Variants in ATXN1 observed in about 807,000 individuals in gnomAD.
The protein encoded by ATXN1 is ataxin 1.
Under a neutral mutation model 56.4 loss-of-function variants are expected in ATXN1, and 8 were observed. That is an observed-to-expected ratio of 0.14 (90% CI 0.08 to 0.26). The LOEUF is 0.26. Among genes scored for constraint, ATXN1 ranks in the 10% least tolerant of loss-of-function variants. The probability of loss-of-function intolerance (pLI) is 1.00; values close to 1 mark genes in which losing one functional copy is unlikely to be tolerated. For missense variants in ATXN1, 987 were observed against 1,106.5 expected (o/e 0.89, Z 1.53); for synonymous variants, 514 against 494.6 (o/e 1.04, Z -0.52).
chr6:16,620,383 T>C lies in ATXN1; in HGVS notation c.-488-34476A>G, dbSNP rs140331199. On this transcript the variant is annotated intron_variant, in intron 3 of 7. Transcript: ENST00000436367. ...ATTCAATTCTCCAGATATTGTGCTA[T>C]CGTTTAGTGATGCTGTGCTGGACTT... 1.2e-3 allele frequency among the ~76,000 whole-genome samples: 184 copies of C among 152,226 alleles called. 1 individual carries two copies. Among genetic ancestry groups the C allele is most frequent in the African/African-American group, 4.1e-3 (170 of 41,522 alleles).
chr6:16,711,827 AG>A (rs1404316121), intron 2 of ATXN1, among the ~76,000 whole-genome samples: 1 of 152,126 alleles, frequency 6.6e-6, no homozygotes, highest in Admixed American at 6.6e-5. Context: ...CATGTTGCCC[AG>A]GCTGATCTCG....
intron 6 of ATXN1, among the ~76,000 whole-genome samples, chr6:16,351,325 C>T (rs1761560280): frequency 6.6e-6 from 1 of 151,900 alleles, no homozygotes; most frequent in African/African-American, 2.4e-5. Flanking sequence ...AGAGCATTTC[C>T]ATTTTCATTT....
intron 6 of ATXN1, among the ~76,000 whole-genome samples, chr6:16,350,863 A>G (rs1006440482): frequency 2.6e-5 from 4 of 152,176 alleles, no homozygotes; most frequent in African/African-American, 9.7e-5. Flanking sequence ...CAGGAGGACT[A>G]TGTGAGGCCA....
At chr6:16,589,240 G>A (rs1762680697) in intron 3 of ATXN1, among the ~76,000 whole-genome samples, 1 of 151,814 alleles carries the variant, frequency 6.6e-6, no homozygotes, top group Non-Finnish European at 1.5e-5. Flanking sequence ...ATATTTTCCT[G>A]TACTTGTTCC....
At chr6:16,531,045 T>G (rs1463914319) in intron 4 of ATXN1, among the ~76,000 whole-genome samples, 2 of 152,216 alleles carry the variant, frequency 1.3e-5, no homozygotes, top group Non-Finnish European at 1.5e-5. Context: ...TTGAAGAGAA[T>G]TTGTACAAAA....
rs1041861138 is a variant in ATXN1, at chr6:16,734,029, T to C, written c.-615+19204A>G. Among the ~76,000 whole-genome samples the C allele has an allele frequency of 3.3e-5, 5 of 152,040 alleles. No homozygotes were observed. In the East Asian group the frequency reaches 7.7e-4, roughly 23 times the overall value. On this transcript the variant is annotated intron_variant, in intron 2 of 7. Transcript: ENST00000436367. ...ATCGCTTGAACCCAAGAGGCGGAGA[T>C]TGCAGTGAGCCAAGATCTCACCACT...
chr6:16,449,886 G>A (rs1375781480), intron 6 of ATXN1, among the ~76,000 whole-genome samples: 1 of 152,188 alleles, frequency 6.6e-6, no homozygotes, highest in African/African-American at 2.4e-5. Context: ...GCAATAAATT[G>A]GAAACTGAAG....
intron 7 of ATXN1, among the ~76,000 whole-genome samples, chr6:16,319,343 G>A (rs1463000912): frequency 6.6e-6 from 1 of 152,196 alleles, no homozygotes; most frequent in Non-Finnish European, 1.5e-5. Flanking sequence ...ACGCCAATGT[G>A]AAAAGGCGAC....
Position 16,327,537 on chromosome 6 carries a change from G to C in ATXN1, c.774C>G (p.Gly258=), listed in dbSNP as rs777981147. The change falls in exon 7 of 8, where the codon GGC becomes GGG. Residue 258 remains glycine (G), a synonymous_variant. Coordinates refer to ENST00000436367, the MANE Select transcript of ATXN1 (RefSeq NM_001128164.2). ...VHISSSPQNT[G]RTASPPAIPV... ...GGATGGCCGGAGGAGAGGCGGTGCG[G>C]CCGGTGTTCTGCGGAGAACTGGAAA... 6.2e-7 allele frequency: 1 copy of C among 1,610,116 alleles called. No homozygotes were observed.
chr6:16,747,592 T>C (rs374838296), intron 2 of ATXN1, among the ~76,000 whole-genome samples: 8 of 151,726 alleles, frequency 5.3e-5, no homozygotes, highest in African/African-American at 1.7e-4. Flanking sequence ...AGGGCACGAA[T>C]AGTAAATCTT....
chr6:16,307,568 G>A (rs1760280814), intron 7 of ATXN1, among the ~76,000 whole-genome samples: 1 of 152,002 alleles, frequency 6.6e-6, no homozygotes, highest in African/African-American at 2.4e-5. Flanking sequence ...CAGCTACTTG[G>A]GAGGCTGAAA....
chr6:16,328,236 G>A lies in ATXN1; in HGVS notation c.75C>T (p.Ser25=), dbSNP rs1760895789. The A allele has an allele frequency of 1.7e-5, 26 of 1,565,542 alleles. No homozygotes were observed. The highest frequency in any genetic ancestry group is 2.3e-5 in the Non-Finnish European group (26 of 1,154,176). The change falls in exon 7 of 8, where the codon TCC becomes TCT. Residue 25 remains serine, a synonymous_variant. Transcript: ENST00000436367. This position sits in a 1 kb window ranked among gnomAD's most constrained non-coding sequence, Gnocchi z 6.2. The part of the protein sequence containing the change: ...KKREIPATSR[S]SEEKAPTLPS... ...GCAGGGTAGGGGCCTTCTCCTCGGA[G>A]GACCGGCTGGTGGCGGGGATCTCGC... is the stretch of plus-strand genomic sequence containing the variant.
At chr6:16,392,291 C>G (rs1044147092) in intron 6 of ATXN1, among the ~76,000 whole-genome samples, 1 of 152,122 alleles carries the variant, frequency 6.6e-6, no homozygotes, top group Non-Finnish European at 1.5e-5. Flanking sequence ...CTTGGCTTCC[C>G]CAGCTGATAC....
chr6:16,753,055 C>A (rs139814556), intron 2 of ATXN1, 178 bp downstream of exon 2: 1 of 349,048 alleles, frequency 2.9e-6, no homozygotes, highest in Non-Finnish European at 5.7e-6. Context: ...ATACTTTAAT[C>A]GAAGTTTTAA....
chr6:16,675,727 T>A (rs908339114), intron 2 of ATXN1, among the ~76,000 whole-genome samples: 4 of 151,362 alleles, frequency 2.6e-5, no homozygotes, highest in Non-Finnish European at 5.9e-5. Context: ...CTAAAAAAAA[T>A]ATATAAAAAA....
At chr6:16,419,209 A>G (rs925907307) in intron 6 of ATXN1, among the ~76,000 whole-genome samples, 9 of 152,216 alleles carry the variant, frequency 5.9e-5, no homozygotes, top group South Asian at 4.1e-4. Context: ...TCAGCCACCC[A>G]AGTAGCTGGG....
At chr6:16,752,909 T>TAGC (rs71672303) in intron 2 of ATXN1, 15,438 of 219,858 alleles carry the variant, frequency 0.07, 649 homozygotes, top group East Asian at 0.12. Context: ...AGATATCTGG[T>TAGC]AGCATAGCAT....
chr6:16,622,471 G>T (rs548506701), intron 3 of ATXN1, among the ~76,000 whole-genome samples: 41 of 152,156 alleles, frequency 2.7e-4, no homozygotes, highest in Middle Eastern at 6.8e-3. Flanking sequence ...GTAAAGAAAT[G>T]AACTGACAAA....
chr6:16,468,653 T>C (rs770641390), intron 6 of ATXN1, among the ~76,000 whole-genome samples: 1 of 152,148 alleles, frequency 6.6e-6, no homozygotes, highest in Non-Finnish European at 1.5e-5. Context: ...AGTACACAGT[T>C]ACAAATCAAT....
Sources: allele counts gnomAD v4.1 joint callset (sites outside exome capture counted in the v4.1 genomes callset), GRCh38; gene constraint gnomAD v4.1.1; non-coding constraint Gnocchi (gnomAD v3.1); transcripts MANE v1.5; gene names NCBI Gene and HGNC (gene_info 2026-07-23, HGNC 2026-07-21).